JAKMIP1: variants seen among roughly 807,000 people sequenced by gnomAD.
JAKMIP1 encodes janus kinase and microtubule-interacting protein 1.
Under a neutral mutation model 113.0 loss-of-function variants are expected in JAKMIP1, and 33 were observed. The ratio of observed to expected loss-of-function variants is 0.29; its 90% confidence interval spans 0.22 to 0.39. JAKMIP1 has a LOEUF of 0.39. Ranked by LOEUF, JAKMIP1 falls within the 10% of genes least tolerant of loss-of-function variation. JAKMIP1 has a pLI of 1.00. For missense variants in JAKMIP1, 813 were observed against 1,080.5 expected, an observed-to-expected ratio of 0.75 and a Z score of 3.47; for synonymous variants, 480 against 459.9, an observed-to-expected ratio of 1.04 and a Z score of -0.56.
At chr4:6,078,402 CTT>C (rs11451395) in intron 8 of JAKMIP1, among the ~76,000 whole-genome samples, 21 of 130,484 alleles carry the variant, frequency 1.6e-4, no homozygotes, top group Non-Finnish European at 2.3e-4. Flanking sequence ...GCAAACTATG[CTT>C]TTTTTTTTTT....
In JAKMIP1 at chr4:6,200,352, C is replaced by A; in HGVS notation, c.-247G>T. Reference sequence around the variant, plus strand: ...CCGCCCCCTCCCCGCTGCGAGCTTACGCCGCTGTCGCCGCCGCCACCGCCT... The same window carrying A: ...CCGCCCCCTCCCCGCTGCGAGCTTAAGCCGCTGTCGCCGCCGCCACCGCCT... On this transcript the variant is annotated 5_prime_UTR_variant, in exon 1 of 21. Transcript: ENST00000409021. The surrounding 1 kb of genome is among the most constrained non-coding windows in gnomAD (Gnocchi z 7.0). The A allele has an allele frequency of 6.5e-6, 1 of 153,390 alleles. No homozygotes were observed. The highest frequency in any genetic ancestry group is 1.8e-4 in the South Asian group (1 of 5,636). 9.5% of individuals were successfully genotyped at this position (153,390 alleles called of 1,614,324 possible).
intron 1 of JAKMIP1, among the ~76,000 whole-genome samples, chr4:6,182,507 G>A (rs76229878): frequency 0.016 from 2,441 of 152,218 alleles, 63 homozygotes; most frequent in African/African-American, 0.051. Context: ...TCCACCATGC[G>A]AGGGCACAGT....
rs1726709723 is a variant in JAKMIP1 at position 6,186,864 on chromosome 4, G to A, written c.-148+13389C>T. 2.0e-5 allele frequency among the ~76,000 whole-genome samples: 3 copies of A among 152,270 alleles called. No individual in the cohort carries two copies. The highest frequency in any genetic ancestry group is 3.4e-3 in the Middle Eastern group (1 of 294). On this transcript the variant is annotated intron_variant, in intron 1 of 20. Transcript: ENST00000409021. This position sits in a 1 kb window ranked among gnomAD's most constrained non-coding sequence, Gnocchi z 5.5. ...TTTGTTTGAGACAGTCTCTCACTCTGTCACCCAAGCTGGAGTGCAGTGGTG... is the reference window on the plus strand; with the variant it reads ...TTTGTTTGAGACAGTCTCTCACTCTATCACCCAAGCTGGAGTGCAGTGGTG...
chr4:6,127,890 A>G (rs1717940119), intron 1 of JAKMIP1, among the ~76,000 whole-genome samples: 1 of 152,180 alleles, frequency 6.6e-6, no homozygotes, highest in Admixed American at 6.5e-5. Flanking sequence ...TCCTCCGGGC[A>G]CTCGGAAGCC....
At chr4:6,026,774 C>T (rs2108737663) in intron 20 of JAKMIP1, among the ~76,000 whole-genome samples, 1 of 152,294 alleles carries the variant, frequency 6.6e-6, no homozygotes, top group African/African-American at 2.4e-5. Context: ...TTGCCCAACC[C>T]TCTACCCACA....
chr4:6,139,988 C>G lies in JAKMIP1; in HGVS notation c.-147-26991G>C, dbSNP rs576024171. Among the ~76,000 whole-genome samples, 8 of 152,192 alleles carry G rather than the reference C, an allele frequency of 5.3e-5. No homozygotes were observed. The East Asian group carries it at 1.4e-3, about 26-fold the overall frequency. On this transcript the variant is annotated intron_variant, in intron 1 of 20. Coordinates refer to ENST00000409021, the MANE Select transcript of JAKMIP1 (RefSeq NM_001099433.2). The surrounding 1 kb of genome is among the most constrained non-coding windows in gnomAD (Gnocchi z 5.2). ...TCAGATGGGGTCAACCCTGCCCACGCCTGGATCTCAGACTTCCAGCCTCCA... is the reference window on the plus strand; with the variant it reads ...TCAGATGGGGTCAACCCTGCCCACGGCTGGATCTCAGACTTCCAGCCTCCA...
rs1409508119 is a variant in JAKMIP1, at chr4:6,059,728, C to T, written c.1644+696G>A. 6.6e-6 allele frequency among the ~76,000 whole-genome samples: 1 copy of T among 152,096 alleles called. No individual in the cohort carries two copies. The highest frequency in any genetic ancestry group is 6.5e-5 in the Admixed American group (1 of 15,272). On this transcript the variant is annotated intron_variant, in intron 11 of 20. Coordinates refer to ENST00000409021, the MANE Select transcript of JAKMIP1 (RefSeq NM_001099433.2). The surrounding 1 kb of genome is among the most constrained non-coding windows in gnomAD (Gnocchi z 4.8). ...GAAACAGGAGTGTGAACAGAATACA[C>T]CTTGTCACATGGAGCCAGGGAGACG...
In JAKMIP1 at chr4:6,116,783, G is replaced by A. The variant is rs1035343949; in HGVS notation, c.-147-3786C>T. Among the ~76,000 whole-genome samples the A allele has an allele frequency of 6.6e-6, 1 of 152,152 alleles. No homozygotes were observed. The highest frequency in any genetic ancestry group is 2.4e-5 in the African/African-American group (1 of 41,440). On this transcript the variant is annotated intron_variant, in intron 1 of 20. Coordinates refer to ENST00000409021, the MANE Select transcript of JAKMIP1 (RefSeq NM_001099433.2). This position sits in a 1 kb window ranked among gnomAD's most constrained non-coding sequence, Gnocchi z 5.1. The stretch of plus-strand genomic sequence containing the variant: ...ACGGTCTAGTCAGGAACACCACTAT[G>A]GAAATGAATACATAAAACAATGATG...
At position 6,105,929 on chromosome 4, in the gene JAKMIP1, C is replaced by T. The variant is rs746891943; in HGVS notation, c.168G>A (p.Leu56=). The change falls in exon 3 of 21, where the codon CTG becomes CTA. Residue 56 remains leucine (L), a synonymous_variant. Transcript: ENST00000409021. ...KLRERLQEAK[L]EREQEQRRHT... ...GCCGTCGCTGCTCCTGCTCGCGCTC[C>T]AGCTTCGCCTCCTGCAGCCGCTCGC... 3 of 1,609,452 alleles carry T rather than the reference C, an allele frequency of 1.9e-6. No homozygotes were observed. The highest frequency in any genetic ancestry group is 2.2e-5 in the East Asian group (1 of 44,826).
At chr4:6,090,424 G>A (rs1285652183) in intron 3 of JAKMIP1, among the ~76,000 whole-genome samples, 1 of 152,074 alleles carries the variant, frequency 6.6e-6, no homozygotes, top group Non-Finnish European at 1.5e-5. Flanking sequence ...TCTTGATTTG[G>A]GACTTCTGGA....
chr4:6,071,484 C>G (rs952203704), intron 8 of JAKMIP1, among the ~76,000 whole-genome samples: 2 of 152,222 alleles, frequency 1.3e-5, no homozygotes, highest in Non-Finnish European at 2.9e-5. Context: ...GCAGCTTCTC[C>G]CTGAGACCAG....
chr4:6,101,371 T>A (rs928338193), intron 3 of JAKMIP1, among the ~76,000 whole-genome samples: 1 of 152,130 alleles, frequency 6.6e-6, no homozygotes, highest in Non-Finnish European at 1.5e-5. Flanking sequence ...ACTGCCACGG[T>A]ATCTTTGTCC....
Position 6,044,187 on chromosome 4 carries a change from C to CA in JAKMIP1, c.2029-1961dup, listed in dbSNP as rs58770859. On this transcript the variant is annotated intron_variant, in intron 16 of 20. Coordinates refer to ENST00000409021, the MANE Select transcript of JAKMIP1 (RefSeq NM_001099433.2). This position sits in a 1 kb window ranked among gnomAD's most constrained non-coding sequence, Gnocchi z 4.4. ...ATGCCGGGTCGTAGCACTCACCTGACAGCGCTGTTGTCTGTTTCACCCCTC... is the reference window on the plus strand; with the variant it reads ...ATGCCGGGTCGTAGCACTCACCTGACAAGCGCTGTTGTCTGTTTCACCCCTC... 0.29 allele frequency among the ~76,000 whole-genome samples: 44,131 copies of CA among 151,834 alleles called. 10,354 individuals carry two copies. The highest frequency in any genetic ancestry group is 0.65 in the African/African-American group (26,951 of 41,286).
rs572940793 is a variant in JAKMIP1, at chr4:6,116,269, G to C, written c.-147-3272C>G. ...CCCTCTGGCTGCGGGCTGCCCAAAG[G>C]TCTCATCAGCAGGAGCAACAGCAGG... On this transcript the variant is annotated intron_variant, in intron 1 of 20. Transcript: ENST00000409021. The surrounding 1 kb of genome is among the most constrained non-coding windows in gnomAD (Gnocchi z 5.1). 1.1e-4 allele frequency among the ~76,000 whole-genome samples: 16 copies of C among 152,232 alleles called. No homozygotes were observed. The highest frequency in any genetic ancestry group is 3.4e-4 in the African/African-American group (14 of 41,554).
rs976747108 is a variant in JAKMIP1 at position 6,136,531 on chromosome 4, C to G, written c.-147-23534G>C. Among the ~76,000 whole-genome samples the G allele has an allele frequency of 6.6e-6, 1 of 152,146 alleles. No individual in the cohort carries two copies. Among genetic ancestry groups the G allele is most frequent in the Non-Finnish European group, 1.5e-5 (1 of 68,030 alleles). On this transcript the variant is annotated intron_variant, in intron 1 of 20. Transcript: ENST00000409021. This position sits in a 1 kb window ranked among gnomAD's most constrained non-coding sequence, Gnocchi z 5.9. ...AGGCCTCGCTTCCCATATTTTGTATCTGAGACAATTTGGGCACTGAGCGAC... is the reference window on the plus strand; with the variant it reads ...AGGCCTCGCTTCCCATATTTTGTATGTGAGACAATTTGGGCACTGAGCGAC...
At chr4:6,151,095 C>G (rs923511526) in intron 1 of JAKMIP1, among the ~76,000 whole-genome samples, 2 of 152,198 alleles carry the variant, frequency 1.3e-5, no homozygotes, top group African/African-American at 4.8e-5. Flanking sequence ...CCCAAGTACT[C>G]TGGTCTGGCA....
chr4:6,096,913 T>A (rs756706259), intron 3 of JAKMIP1, among the ~76,000 whole-genome samples: 8 of 152,238 alleles, frequency 5.3e-5, no homozygotes, highest in Non-Finnish European at 1.2e-4. Context: ...TCTGTGTACA[T>A]TGAAACATCG....
chr4:6,092,867 G>A (rs1432379522), intron 3 of JAKMIP1, among the ~76,000 whole-genome samples: 2 of 152,176 alleles, frequency 1.3e-5, no homozygotes, highest in African/African-American at 4.8e-5. Context: ...GGCACAAGGT[G>A]TTTGCTTGTG....
chr4:6,046,290 G>A (rs57139204), intron 16 of JAKMIP1, among the ~76,000 whole-genome samples: 25,130 of 152,208 alleles, frequency 0.17, 2,640 homozygotes, highest in African/African-American at 0.29. Flanking sequence ...TCCAAGCTGG[G>A]AGGAGACGAG....
Sources: gnomAD v4.1 joint callset for allele counts (sites outside exome capture counted in the v4.1 genomes callset) on GRCh38, gnomAD v4.1.1 for gene constraint, Gnocchi (gnomAD v3.1) non-coding constraint, MANE v1.5 for transcripts, NCBI Gene and HGNC (gene_info 2026-07-23, HGNC 2026-07-21) for gene names.